SPTLC1: variants seen among roughly 807,000 people sequenced by gnomAD.
The protein encoded by SPTLC1 is serine palmitoyltransferase long chain base subunit 1, also known as serine palmitoyltransferase 1.
In SPTLC1, 55 loss-of-function variants were observed where a neutral mutation model predicts 68.9. That is an observed-to-expected ratio of 0.80 (90% confidence interval 0.64 to 1.00). SPTLC1 has a LOEUF of 1.00. Among genes scored for constraint, SPTLC1 ranks in the 50% least tolerant of loss-of-function variants. The probability of loss-of-function intolerance (pLI) is 0.00; values close to 1 mark genes in which losing one functional copy is unlikely to be tolerated. For synonymous variants in SPTLC1, 197 were observed against 201.6 expected, an observed-to-expected ratio of 0.98 and a Z score of 0.19; for missense variants, 449 against 573.1, an observed-to-expected ratio of 0.78 and a Z score of 2.21.
At chr9:92,083,881 T>C (rs1835001011) in intron 3 of SPTLC1, among the ~76,000 whole-genome samples, 1 of 152,206 alleles carries the variant, frequency 6.6e-6, no homozygotes, top group Non-Finnish European at 1.5e-5. Context: ...GAGCATGGAA[T>C]GTTCTTCCAT....
chr9:92,093,579 T>C (rs1048229643), intron 3 of SPTLC1, among the ~76,000 whole-genome samples: 2 of 151,914 alleles, frequency 1.3e-5, no homozygotes, highest in Non-Finnish European at 2.9e-5. Flanking sequence ...TAATAGTAAA[T>C]AAAGGTAACA....
At position 92,032,534 on chromosome 9, in the gene SPTLC1, T is replaced by C. The variant is rs761823255; in HGVS notation, c.1353A>G (p.Glu451=). The C allele has an allele frequency of 1.1e-5, 18 of 1,614,184 alleles. No individual in the cohort carries two copies. The highest frequency in any genetic ancestry group is 1.4e-5 in the Non-Finnish European group (17 of 1,180,028). ...PPSIRVVVTV[E]QTEEELERAA... is the part of the protein sequence containing the mutation. ...CTCTCTCCAGTTCTTCCTCTGTTTGTTCCACCGTGACCACAACCCGAATGC... is the reference window on the plus strand; with the variant it reads ...CTCTCTCCAGTTCTTCCTCTGTTTGCTCCACCGTGACCACAACCCGAATGC... Residue 451 remains glutamate (E), a synonymous_variant, in exon 15 of 15, where the codon GAA becomes GAG. Transcript: ENST00000262554.
At chr9:92,076,911 G>A (rs1232012133) in intron 5 of SPTLC1, 2 of 152,070 alleles carry the variant, frequency 1.3e-5, no homozygotes, top group African/African-American at 4.8e-5. Flanking sequence ...TAATTCCCCG[G>A]TTTGGTCTCC....
At position 92,064,998 on chromosome 9, in the gene SPTLC1, C is replaced by T. The variant is rs561179244; in HGVS notation, c.560+2968G>A. On this transcript the variant is annotated intron_variant, in intron 6 of 14. Coordinates refer to ENST00000262554, the MANE Select transcript of SPTLC1 (RefSeq NM_006415.4). ...GTGGCAACATGAAGGATCCCTGTGG[C>T]GACAGAAATGTTCTGCATCTTGACA... 7.2e-5 allele frequency among the ~76,000 whole-genome samples: 11 copies of T among 152,282 alleles called. No individual in the cohort carries two copies. In the South Asian group the frequency reaches 1.9e-3, roughly 26 times the overall value.
At chr9:92,092,979 T>G (rs1168991874) in intron 3 of SPTLC1, among the ~76,000 whole-genome samples, 1 of 152,222 alleles carries the variant, frequency 6.6e-6, no homozygotes, top group Non-Finnish European at 1.5e-5. Flanking sequence ...TAATAAGGAA[T>G]ACGTACTTTA....
At position 92,089,437 on chromosome 9, in the gene SPTLC1, G is replaced by A. The variant is rs551470196; in HGVS notation, c.261-8474C>T. Among the ~76,000 whole-genome samples the A allele has an allele frequency of 4.2e-4, 64 of 152,048 alleles. 3 individuals are homozygous for A. In the South Asian group the frequency reaches 0.013, roughly 31 times the overall value. ...TCAAAAACAAAAACAAAAAAGGACA[G>A]GCTAACTTGCTAAATAGTCAAATAT... On this transcript the variant is annotated intron_variant, in intron 3 of 14. Coordinates refer to ENST00000262554, the MANE Select transcript of SPTLC1 (RefSeq NM_006415.4).
At chr9:92,080,602 C>A (rs1248837662) in intron 4 of SPTLC1, among the ~76,000 whole-genome samples, 1 of 152,158 alleles carries the variant, frequency 6.6e-6, no homozygotes, top group Non-Finnish European at 1.5e-5. Flanking sequence ...GCAGTGGCAC[C>A]ATCTTGGCTC....
At chr9:92,076,832 T>A (rs1445906749) in intron 5 of SPTLC1, 1 of 152,170 alleles carries the variant, frequency 6.6e-6, no homozygotes, top group Non-Finnish European at 1.5e-5. Flanking sequence ...ATCAGATGGG[T>A]TGAGGCTTTT....
At chr9:92,091,606 T>A (rs1835363800) in intron 3 of SPTLC1, among the ~76,000 whole-genome samples, 1 of 152,244 alleles carries the variant, frequency 6.6e-6, no homozygotes, top group African/African-American at 2.4e-5. Context: ...CCATTTCTTA[T>A]ACATCCCTTT....
At position 92,068,049 on chromosome 9, in the gene SPTLC1, T is replaced by C. The variant is rs764244636; in HGVS notation, c.477A>G (p.Glu159=). 23 of 1,613,976 alleles carry C rather than the reference T, an allele frequency of 1.4e-5. No homozygotes were observed. In the South Asian group the frequency reaches 2.2e-4, roughly 15 times the overall value. The change falls in exon 6 of 15, where the codon GAA becomes GAG. Residue 159 remains glutamate (E), a synonymous_variant. Coordinates refer to ENST00000262554, the MANE Select transcript of SPTLC1 (RefSeq NM_006415.4). Reference sequence around the variant, plus strand: ...ATCCATATGAGTATATAATGGCTTCTTCTGTCTTCATAAATTTTGCCAGGC... The same window carrying C: ...ATCCATATGAGTATATAATGGCTTCCTCTGTCTTCATAAATTTTGCCAGGC... ...EDRLAKFMKT[E]EAIIYSYGFA... is the part of the protein sequence containing the mutation.
chr9:92,046,598 G>A (rs970316584), intron 11 of SPTLC1, among the ~76,000 whole-genome samples: 2 of 152,104 alleles, frequency 1.3e-5, no homozygotes, highest in African/African-American at 2.4e-5. Flanking sequence ...ATACTGTACC[G>A]GGTAGGGCCT....
chr9:92,096,382 T>C (rs1006183280), intron 3 of SPTLC1, among the ~76,000 whole-genome samples: 3 of 152,186 alleles, frequency 2.0e-5, no homozygotes, highest in Non-Finnish European at 4.4e-5. Context: ...TGTGTGTGTG[T>C]GTATATATAT....
intron 3 of SPTLC1, among the ~76,000 whole-genome samples, chr9:92,087,961 T>C (rs1835214921): frequency 6.6e-6 from 1 of 152,160 alleles, no homozygotes; most frequent in African/African-American, 2.4e-5. Context: ...CGGGCGCCCC[T>C]CTCCCGGCCT....
chr9:92,093,157 TAAG>T (rs1245931127), intron 3 of SPTLC1, among the ~76,000 whole-genome samples: 5 of 152,100 alleles, frequency 3.3e-5, no homozygotes, highest in African/African-American at 9.7e-5. Context: ...AGAAGTTAAA[TAAG>T]AAGTAAAAAT....
At position 92,031,205 on chromosome 9, in the gene SPTLC1, C is replaced by G. The variant is rs1293998306; in HGVS notation, c.*1260G>C. The G allele has an allele frequency of 6.6e-6, 1 of 152,542 alleles. No homozygotes were observed. Among genetic ancestry groups the G allele is most frequent in the East Asian group, 1.9e-4 (1 of 5,194 alleles). 9.4% of individuals were successfully genotyped at this position (152,542 alleles called of 1,614,324 possible). On this transcript the variant is annotated 3_prime_UTR_variant, in exon 15 of 15. Coordinates refer to ENST00000262554, the MANE Select transcript of SPTLC1 (RefSeq NM_006415.4). ...AACAAAACAAACCAGACTCATCCCC[C>G]AAAGAGTACTTTATCCTTTAAAGCA...
intron 3 of SPTLC1, among the ~76,000 whole-genome samples, chr9:92,102,295 G>T (rs189670168): frequency 6.6e-6 from 1 of 152,154 alleles, no homozygotes; most frequent in African/African-American, 2.4e-5. Flanking sequence ...TGCTTCAATC[G>T]CAAGTGAAAG....
rs778109011 is a variant in SPTLC1 at position 92,055,433 on chromosome 9, G to A, written c.752C>T (p.Thr251Ile). 7 of 1,613,512 alleles carry A rather than the reference G, an allele frequency of 4.3e-6. No homozygotes were observed. In the African/African-American group the frequency reaches 8.0e-5, roughly 18 times the overall value. ...TTCTGGAAGAGGACAAATAGTTCCA[G>A]TATTCATATACAATCCTTCTACTAC... The part of the protein sequence containing the change: ...FIVVEGLYMN[T>I]GTICPLPELV... Residue 251 changes from threonine (T) to isoleucine (I), a missense_variant, in exon 8 of 15, where the codon ACT becomes ATT. By Grantham distance (89) the Thr-to-Ile change is moderately conservative. Coordinates refer to ENST00000262554, the MANE Select transcript of SPTLC1 (RefSeq NM_006415.4).
intron 12 of SPTLC1, among the ~76,000 whole-genome samples, chr9:92,043,963 C>G (rs972999616): frequency 1.3e-5 from 2 of 152,178 alleles, no homozygotes; most frequent in South Asian, 2.1e-4. Context: ...TTCCTCCTGT[C>G]ACATTGGCCT....
intron 3 of SPTLC1, among the ~76,000 whole-genome samples, chr9:92,083,010 ATG>A (rs1834950240): frequency 6.6e-6 from 1 of 151,968 alleles, no homozygotes; most frequent in Non-Finnish European, 1.5e-5. Flanking sequence ...GCATTTTTTC[ATG>A]TGTTTTTTGG....
Sources: allele counts gnomAD v4.1 joint callset (sites outside exome capture counted in the v4.1 genomes callset), GRCh38; gene constraint gnomAD v4.1.1; transcripts MANE v1.5; gene names NCBI Gene and HGNC (gene_info 2026-07-23, HGNC 2026-07-21).